Variants in LUZP2 observed in about 807,000 individuals in gnomAD.
LUZP2 encodes the protein leucine zipper protein 2.
In LUZP2, 52 loss-of-function variants were observed where a neutral mutation model predicts 51.6. That is an observed-to-expected ratio of 1.01 (90% CI 0.81 to 1.27). The LOEUF is 1.27. Among genes scored for constraint, LUZP2 ranks in the 50% most tolerant of loss-of-function variants. The pLI is 0.00. For synonymous variants in LUZP2, 154 were observed against 137.3 expected (o/e 1.12, Z -0.85); for missense variants, 436 against 395.4 (o/e 1.10, Z -0.87).
intron 9 of LUZP2, among the ~76,000 whole-genome samples, chr11:25,005,131 C>G (rs1335805461): frequency 1.3e-5 from 2 of 152,104 alleles, no homozygotes; most frequent in African/African-American, 2.4e-5. Context: ...CCCCCTACAG[C>G]TTGAAGGGGG....
At chr11:25,029,662 G>C (rs542599385) in intron 9 of LUZP2, among the ~76,000 whole-genome samples, 1 of 151,412 alleles carries the variant, frequency 6.6e-6, no homozygotes, top group Non-Finnish European at 1.5e-5. Flanking sequence ...ATTTGAACCC[G>C]GGAGGCGGAG....
intron 1 of LUZP2, among the ~76,000 whole-genome samples, chr11:24,615,440 T>G (rs1215623397): frequency 6.6e-6 from 1 of 152,090 alleles, no homozygotes; most frequent in East Asian, 1.9e-4. Context: ...TTTTATTTTA[T>G]CCAGTGTAAT....
chr11:24,980,109 G>T (rs1186273911), intron 8 of LUZP2, among the ~76,000 whole-genome samples: 1 of 151,736 alleles, frequency 6.6e-6, no homozygotes, highest in Non-Finnish European at 1.5e-5. Context: ...GAAAGTGTTT[G>T]GCCTCACAGT....
intron 5 of LUZP2, among the ~76,000 whole-genome samples, chr11:24,796,780 T>G (rs1001598806): frequency 5.3e-5 from 8 of 151,820 alleles, no homozygotes; most frequent in African/African-American, 1.9e-4. Flanking sequence ...ACTACACAAG[T>G]TTTTTTTGGT....
intron 5 of LUZP2, among the ~76,000 whole-genome samples, chr11:24,820,379 T>TG (rs1416125263): frequency 6.6e-6 from 1 of 152,058 alleles, no homozygotes; most frequent in South Asian, 2.1e-4. Context: ...ATGTGTATGG[T>TG]GGGGAAAGAC....
chr11:24,835,093 A>G lies in LUZP2; in HGVS notation c.397-70898A>G, dbSNP rs376675293. Among the ~76,000 whole-genome samples the G allele has an allele frequency of 2.3e-4, 35 of 152,252 alleles. No individual in the cohort carries two copies. The East Asian group carries it at 3.3e-3, about 14-fold the overall frequency. Reference sequence around the variant, plus strand: ...GCTACAGTAACTAAAACAGCATGATACTGGTACCAAAACAGATATATAGAC... The same window carrying G: ...GCTACAGTAACTAAAACAGCATGATGCTGGTACCAAAACAGATATATAGAC... On this transcript the variant is annotated intron_variant, in intron 5 of 11. Coordinates refer to ENST00000336930, the MANE Select transcript of LUZP2 (RefSeq NM_001009909.4).
At chr11:24,950,332 T>G (rs1230911459) in intron 7 of LUZP2, among the ~76,000 whole-genome samples, 1 of 151,586 alleles carries the variant, frequency 6.6e-6, no homozygotes, top group Non-Finnish European at 1.5e-5. Flanking sequence ...CAAAAATGAT[T>G]TCCTATGTTC....
chr11:24,920,126 T>C (rs1297929762), intron 7 of LUZP2, among the ~76,000 whole-genome samples: 2 of 151,910 alleles, frequency 1.3e-5, no homozygotes, highest in East Asian at 3.9e-4. Flanking sequence ...AAACAATGTT[T>C]ACAATACTCC....
At chr11:25,041,784 G>A (rs77092587) in intron 9 of LUZP2, among the ~76,000 whole-genome samples, 2,574 of 152,170 alleles carry the variant, frequency 0.017, 39 homozygotes, top group South Asian at 0.085. Context: ...GTACTCTTCC[G>A]TGGCCTGTTA....
intron 5 of LUZP2, among the ~76,000 whole-genome samples, chr11:24,815,993 C>A (rs2631515): frequency 0.72 from 101,031 of 140,618 alleles, 34,308 homozygotes; most frequent in Middle Eastern, 0.81. Context: ...CATCTCTTAT[C>A]TTCTTTTTTT....
intron 8 of LUZP2, among the ~76,000 whole-genome samples, chr11:24,982,907 TC>T (rs1482489792): frequency 3.3e-5 from 5 of 151,944 alleles, no homozygotes; most frequent in African/African-American, 1.2e-4. Flanking sequence ...TCTTTGTATT[TC>T]AGTGTTCAAA....
At chr11:24,676,260 TA>T (rs377214508) in intron 1 of LUZP2, among the ~76,000 whole-genome samples, 4 of 152,318 alleles carry the variant, frequency 2.6e-5, no homozygotes, top group African/African-American at 9.6e-5. Context: ...AAAAGACAGG[TA>T]ATTTTTATAG....
chr11:24,815,223 G>A (rs112216995), intron 5 of LUZP2, among the ~76,000 whole-genome samples: 30 of 152,166 alleles, frequency 2.0e-4, no homozygotes, highest in African/African-American at 6.5e-4. Flanking sequence ...TTTTTGTAAT[G>A]TAATTGCAAA....
intron 1 of LUZP2, among the ~76,000 whole-genome samples, chr11:24,634,458 G>A (rs1171602691): frequency 6.6e-6 from 1 of 151,944 alleles, no homozygotes; most frequent in Non-Finnish European, 1.5e-5. Flanking sequence ...CAGAAGATAA[G>A]CCAAGATATG....
intron 5 of LUZP2, among the ~76,000 whole-genome samples, chr11:24,843,016 C>T (rs907349613): frequency 9.9e-5 from 15 of 151,352 alleles, no homozygotes; most frequent in Admixed American, 4.6e-4. Flanking sequence ...AAAAGAAAAA[C>T]GACTAAAATA....
At chr11:24,995,430 T>G (rs1462524218) in intron 9 of LUZP2, among the ~76,000 whole-genome samples, 2 of 152,132 alleles carry the variant, frequency 1.3e-5, no homozygotes, top group East Asian at 3.8e-4. Context: ...CATATATTTA[T>G]GCATATGAAA....
chr11:24,588,582 A>G (rs1215297821), intron 1 of LUZP2, among the ~76,000 whole-genome samples: 1 of 152,072 alleles, frequency 6.6e-6, no homozygotes, highest in African/African-American at 2.4e-5. Flanking sequence ...CCTATTACCC[A>G]TCTCTAAATT....
intron 4 of LUZP2, among the ~76,000 whole-genome samples, chr11:24,739,214 G>A (rs1326782709): frequency 6.6e-6 from 1 of 152,014 alleles, no homozygotes; most frequent in Non-Finnish European, 1.5e-5. Flanking sequence ...ATGAACAAGT[G>A]AGGCAGGATA....
At chr11:25,013,792 A>T (rs905124655) in intron 9 of LUZP2, among the ~76,000 whole-genome samples, 4 of 152,140 alleles carry the variant, frequency 2.6e-5, no homozygotes, top group African/African-American at 9.7e-5. Context: ...GTACATGTGC[A>T]CATGGTGCAG....
Sources: allele counts gnomAD v4.1 joint callset (sites outside exome capture counted in the v4.1 genomes callset), GRCh38; gene constraint gnomAD v4.1.1; transcripts MANE v1.5; gene names NCBI Gene and HGNC (gene_info 2026-07-23, HGNC 2026-07-21).